The following LMBRD1 variants were observed in gnomAD, a reference collection of about 807,000 sequenced individuals.
LMBRD1 encodes the protein LMBR1 domain containing 1.
A neutral mutation model predicts 74.8 loss-of-function variants in LMBRD1; 64 were observed. The ratio of observed to expected loss-of-function variants is 0.86; its 90% confidence interval spans 0.70 to 1.05. The LOEUF (loss-of-function observed/expected upper bound fraction) is 1.05, where lower values mean the gene tolerates loss of function less well. Among genes scored for constraint, LMBRD1 ranks in the 50% least tolerant of loss-of-function variants. The pLI, the probability that LMBRD1 is intolerant of heterozygous loss-of-function variation, is 0.00. For synonymous variants in LMBRD1, 204 were observed against 216.3 expected (o/e 0.94, Z 0.50); for missense variants, 652 against 645.9 (o/e 1.01, Z -0.10).
At chr6:69,737,170 T>A (rs1202124961) in intron 7 of LMBRD1, among the ~76,000 whole-genome samples, 1 of 152,132 alleles carries the variant, frequency 6.6e-6, no homozygotes, top group African/African-American at 2.4e-5. Flanking sequence ...GTAACCAGAA[T>A]TTTCATCTTT....
chr6:69,735,474 C>T (rs1039220933), intron 7 of LMBRD1, among the ~76,000 whole-genome samples: 1 of 151,574 alleles, frequency 6.6e-6, no homozygotes, highest in African/African-American at 2.4e-5. Flanking sequence ...TATTTGAGGA[C>T]CTGCTGTATT....
chr6:69,790,396 G>A lies in LMBRD1; in HGVS notation c.146C>T (p.Thr49Ile), dbSNP rs1287421862. Reference protein sequence around the residue: ...RRESEVVSTITAIFSLAIALI... With the variant: ...RRESEVVSTIIAIFSLAIALI... ...TGCAATTGCTAGAGAAAAAATTGCT[G>A]TTATGGTGGAGACAACTTCACTTTC... The change falls in exon 2 of 16, where the codon ACA becomes ATA. Residue 49 changes from threonine (T) to isoleucine (I), a missense_variant. Around this residue, in one of 3 missense-constraint regions of LMBRD1, gnomAD observed 598 missense variants for 581.8 expected, o/e 1.03. Coordinates refer to ENST00000649934, the MANE Select transcript of LMBRD1 (RefSeq NM_018368.4). 6.2e-7 allele frequency: 1 copy of A among 1,613,950 alleles called. No individual in the cohort carries two copies.
At chr6:69,683,758 T>C (rs1203945468) in intron 14 of LMBRD1, among the ~76,000 whole-genome samples, 1 of 151,874 alleles carries the variant, frequency 6.6e-6, no homozygotes, top group Non-Finnish European at 1.5e-5. Context: ...TGTTCTAGTA[T>C]AGGAATAAAG....
At chr6:69,777,974 T>C (rs1198005330) in intron 3 of LMBRD1, among the ~76,000 whole-genome samples, 3 of 152,234 alleles carry the variant, frequency 2.0e-5, no homozygotes, top group Non-Finnish European at 4.4e-5. Flanking sequence ...TTCAGGATAG[T>C]AACTACCTTC....
At position 69,676,279 on chromosome 6, in the gene LMBRD1, T is replaced by C. The variant is rs1314316924; in HGVS notation, c.1510-8A>G. The C allele has an allele frequency of 6.2e-7, 1 of 1,611,590 alleles. No homozygotes were observed. The highest frequency in any genetic ancestry group is 1.1e-5 in the South Asian group (1 of 90,956). On this transcript the variant is annotated splice_region_variant and splice_polypyrimidine_tract_variant and intron_variant, in intron 15 of 15. Coordinates refer to ENST00000649934, the MANE Select transcript of LMBRD1 (RefSeq NM_018368.4). Reference sequence around the variant, plus strand: ...TAATCCAATCAAAAATACCTGTAAATTTAAATAAGCCATGTGTTATTTTTC... The same window carrying C: ...TAATCCAATCAAAAATACCTGTAAACTTAAATAAGCCATGTGTTATTTTTC...
At chr6:69,778,086 C>A (rs572672901) in intron 3 of LMBRD1, among the ~76,000 whole-genome samples, 9 of 152,168 alleles carry the variant, frequency 5.9e-5, no homozygotes, top group Admixed American at 1.3e-4. Context: ...AATATTATAC[C>A]ACTAACCATT....
At position 69,700,771 on chromosome 6, in the gene LMBRD1, C is replaced by A; in HGVS notation, c.1182G>T (p.Trp394Cys). The change falls in exon 12 of 16, where the codon TGG (tryptophan) becomes TGT (cysteine). Residue 394 changes from tryptophan (W) to cysteine (C), a missense_variant. This residue lies in a region of LMBRD1 where 598 missense variants were observed against 581.8 expected (regional missense o/e 1.03). Coordinates refer to ENST00000649934, the MANE Select transcript of LMBRD1 (RefSeq NM_018368.4). ...GIRNIGIWFFWIRLYKIRRGR... is the reference protein window; with the variant it reads ...GIRNIGIWFFCIRLYKIRRGR... ...TACTGTAATATATACTTACTCTAATCCAAAAGAACCATATGCCAATATTTC... is the reference window on the plus strand; with the variant it reads ...TACTGTAATATATACTTACTCTAATACAAAAGAACCATATGCCAATATTTC... 6.6e-7 allele frequency: 1 copy of A among 1,503,972 alleles called. No individual in the cohort carries two copies. Among genetic ancestry groups the A allele is most frequent in the Non-Finnish European group, 9.0e-7 (1 of 1,105,868 alleles). 93.2% of individuals were successfully genotyped at this position (1,503,972 alleles called of 1,614,324 possible).
intron 14 of LMBRD1, among the ~76,000 whole-genome samples, chr6:69,695,844 T>TC (rs1765984742): frequency 2.8e-5 from 1 of 35,952 alleles, no homozygotes; most frequent in Admixed American, 3.1e-4. Flanking sequence ...CTTAGTACTT[T>TC]TTTTTTTTTT....
chr6:69,790,286 T>C lies in LMBRD1; in HGVS notation c.246+10A>G. Reference sequence around the variant, plus strand: ...AGGAAAAAAAATCTGCAAAGTAAGATTATATTTACCTTAAATGTACCATTT... The same window carrying C: ...AGGAAAAAAAATCTGCAAAGTAAGACTATATTTACCTTAAATGTACCATTT... On this transcript the variant is annotated intron_variant, in intron 2 of 15. Transcript: ENST00000649934. The C allele has an allele frequency of 1.3e-6, 2 of 1,581,906 alleles. No individual in the cohort carries two copies. Among genetic ancestry groups the C allele is most frequent in the East Asian group, 2.2e-5 (1 of 44,592 alleles).
intron 5 of LMBRD1, among the ~76,000 whole-genome samples, chr6:69,744,521 A>C (rs1767176227): frequency 6.6e-6 from 1 of 152,236 alleles, no homozygotes. Flanking sequence ...GATTCACTGA[A>C]TTAACTTCAC....
chr6:69,683,768 G>C (rs1352854346), intron 14 of LMBRD1, among the ~76,000 whole-genome samples: 1 of 151,906 alleles, frequency 6.6e-6, no homozygotes, highest in Non-Finnish European at 1.5e-5. Flanking sequence ...TAGGAATAAA[G>C]CCAGGAGCAA....
At chr6:69,788,232 C>T (rs1336855336) in intron 2 of LMBRD1, among the ~76,000 whole-genome samples, 1 of 151,970 alleles carries the variant, frequency 6.6e-6, no homozygotes, top group Non-Finnish European at 1.5e-5. Context: ...ATAAATCAAA[C>T]ATGCTCAATT....
At chr6:69,701,811 T>A (rs1766137201) in intron 10 of LMBRD1, 78 bp downstream of exon 10, 1 of 1,000,960 alleles carries the variant, frequency 1.0e-6, no homozygotes, top group Non-Finnish European at 1.6e-6. Context: ...CAGCCTACAC[T>A]AATGGCATTC....
rs189820560 is a variant in LMBRD1 at position 69,701,336 on chromosome 6, T to C, written c.1083+107A>G. ...AAGCATATGTCAAACTATTCATAGGTTTTTAGCATAATAATTTTATGTGCA... is the reference window on the plus strand; with the variant it reads ...AAGCATATGTCAAACTATTCATAGGCTTTTAGCATAATAATTTTATGTGCA... On this transcript the variant is annotated intron_variant, in intron 11 of 15. Transcript: ENST00000649934. 7.1e-4 allele frequency: 505 copies of C among 710,632 alleles called. 2 individuals are homozygous for C. Among genetic ancestry groups the C allele is most frequent in the Non-Finnish European group, 1.1e-3 (426 of 397,666 alleles). 44.0% of individuals were successfully genotyped at this position (710,632 alleles called of 1,614,324 possible).
rs114468180 is a variant in LMBRD1, at chr6:69,686,736, T to C, written c.1418-10195A>G. ...CCACCATAAGCTCTCCCTTGGATTATTGCAAAACGCTTCTGTCAACCTGCT... is the reference window on the plus strand; with the variant it reads ...CCACCATAAGCTCTCCCTTGGATTACTGCAAAACGCTTCTGTCAACCTGCT... On this transcript the variant is annotated intron_variant, in intron 14 of 15. Coordinates refer to ENST00000649934, the MANE Select transcript of LMBRD1 (RefSeq NM_018368.4). Among the ~76,000 whole-genome samples, 756 of 152,278 alleles carry C rather than the reference T, an allele frequency of 5.0e-3. 4 individuals carry two copies. The highest frequency in any genetic ancestry group is 0.017 in the African/African-American group (707 of 41,546).
chr6:69,741,952 A>T, intron 5 of LMBRD1, 75 bp from the exon 6 acceptor site: 1 of 850,186 alleles, frequency 1.2e-6, no homozygotes, highest in Admixed American at 2.1e-5. Context: ...AACTCAAATT[A>T]TTTTTCTCCA....
chr6:69,749,348 A>G lies in LMBRD1; in HGVS notation c.466T>C (p.Leu156=), dbSNP rs1249071333. The change falls in exon 5 of 16, where the codon TTA becomes CTA. Residue 156 remains leucine (L), a synonymous_variant. Transcript: ENST00000649934. ...AAAAAAATCAAGACTTACCCAACTAAAAGAAGCAGTGCACAAATCACAACA... is the reference window on the plus strand; with the variant it reads ...AAAAAAATCAAGACTTACCCAACTAGAAGAAGCAGTGCACAAATCACAACA... The part of the protein sequence containing the change: ...GFVVICALLL[L]VGAFVPLNVP... 18 of 1,610,286 alleles carry G rather than the reference A, an allele frequency of 1.1e-5. No homozygotes were observed. The highest frequency in any genetic ancestry group is 1.4e-5 in the Non-Finnish European group (16 of 1,177,902).
chr6:69,730,275 G>A (rs913497991), intron 7 of LMBRD1, among the ~76,000 whole-genome samples: 6 of 152,068 alleles, frequency 3.9e-5, no homozygotes, highest in African/African-American at 1.4e-4. Context: ...TATCTGGAAT[G>A]CTGGTTTCCA....
rs1765966669 is a variant in LMBRD1, at chr6:69,695,162, CTA to C, written c.1417+2399_1417+2400del. ...TTGCGCAGAATTGGATGATACTGGT[CTA>C]TCATTCATCCTTTCTGACATTTTTC... On this transcript the variant is annotated intron_variant, in intron 14 of 15. Transcript: ENST00000649934. 2.1e-5 allele frequency among the ~76,000 whole-genome samples: 3 copies of C among 145,762 alleles called. No individual in the cohort carries two copies. The South Asian group carries it at 6.9e-4, about 34-fold the overall frequency.
Sources: allele counts gnomAD v4.1 joint callset (sites outside exome capture counted in the v4.1 genomes callset), GRCh38; gene constraint gnomAD v4.1.1; regional missense constraint gnomAD v4.1.1; transcripts MANE v1.5; gene names NCBI Gene and HGNC (gene_info 2026-07-23, HGNC 2026-07-21).